The following ZNF462 variants were observed in gnomAD, a reference collection of about 807,000 sequenced individuals.
ZNF462 encodes the protein zinc finger protein 462.
In ZNF462, 10 loss-of-function variants were observed where a neutral mutation model predicts 201.9. The ratio of observed to expected loss-of-function variants is 0.05; its 90% confidence interval spans 0.03 to 0.08. The LOEUF (loss-of-function observed/expected upper bound fraction) is 0.08. Among genes scored for constraint, ZNF462 ranks in the 10% least tolerant of loss-of-function variants. The pLI is 1.00. For synonymous variants in ZNF462, 1,227 were observed against 1,193.3 expected, an observed-to-expected ratio of 1.03 and a Z score of -0.58; for missense variants, 2,523 against 3,168.3, an observed-to-expected ratio of 0.80 and a Z score of 4.89.
intron 1 of ZNF462, among the ~76,000 whole-genome samples, chr9:106,898,800 A>T (rs533565649): frequency 6.6e-6 from 1 of 152,306 alleles, no homozygotes; most frequent in South Asian, 2.1e-4. Context: ...GTATCCTATT[A>T]TTGCTCCTAA....
rs1829717086 is a variant in ZNF462 at position 107,008,490 on chromosome 9, C to G, written c.7190-1055C>G. Among the ~76,000 whole-genome samples the G allele has an allele frequency of 6.6e-6, 1 of 152,058 alleles. No homozygotes were observed. The highest frequency in any genetic ancestry group is 1.5e-5 in the Non-Finnish European group (1 of 68,034). ...TCCTGTAATGTCTTGTATGTGTGGA[C>G]CAGAGTGATCAGAGTGTAAAGATGA... On this transcript the variant is annotated intron_variant, in intron 11 of 12. Coordinates refer to ENST00000277225, the MANE Select transcript of ZNF462 (RefSeq NM_021224.6). This position sits in a 1 kb window ranked among gnomAD's most constrained non-coding sequence, Gnocchi z 4.8.
At position 106,924,796 on chromosome 9, in the gene ZNF462, G is replaced by T; in HGVS notation, c.884G>T (p.Ser295Ile). Residue 295 changes from serine (S) to isoleucine (I), a missense_variant, in exon 3 of 13, where the codon AGC becomes ATC. Physicochemically the swap from Ser to Ile is moderately radical, Grantham distance 142 (BLOSUM62 -2). This residue lies in a region of ZNF462 where 480 missense variants were observed against 544.4 expected (regional missense o/e 0.88). Coordinates refer to ENST00000277225, the MANE Select transcript of ZNF462 (RefSeq NM_021224.6). The surrounding 1 kb of genome is among the most constrained non-coding windows in gnomAD (Gnocchi z 6.2). The stretch of plus-strand genomic sequence containing the variant: ...GATGTGCCGAACAAGAGTGCCCCCA[G>T]CCCCACTTCCAACTCCACCTATCTG... ...LPDVPNKSAP[S>I]PTSNSTYLTM... The T allele has an allele frequency of 6.2e-7, 1 of 1,614,142 alleles. No homozygotes were observed. Among genetic ancestry groups the T allele is most frequent in the Non-Finnish European group, 8.5e-7 (1 of 1,180,042 alleles).
At chr9:106,873,901 T>C (rs1348478601) in intron 1 of ZNF462, among the ~76,000 whole-genome samples, 1 of 152,174 alleles carries the variant, frequency 6.6e-6, no homozygotes, top group Non-Finnish European at 1.5e-5. Context: ...GGTGGTTTTA[T>C]AAAATCCTAA....
At chr9:106,943,051 T>TGCGCGCGCGC (rs757008438) in intron 7 of ZNF462, among the ~76,000 whole-genome samples, 81 of 145,432 alleles carry the variant, frequency 5.6e-4, no homozygotes, top group African/African-American at 2.0e-3. Flanking sequence ...AGTTTTGTTT[T>TGCGCGCGCGC]GCGCGCGCGT....
chr9:106,982,136 T>G (rs1168053017), intron 9 of ZNF462, among the ~76,000 whole-genome samples: 1 of 152,232 alleles, frequency 6.6e-6, no homozygotes, highest in Non-Finnish European at 1.5e-5. Flanking sequence ...TGACACTAGC[T>G]TGTTCATGGG....
intron 6 of ZNF462, among the ~76,000 whole-genome samples, chr9:106,937,748 A>T (rs1171039538): frequency 6.6e-6 from 1 of 152,136 alleles, no homozygotes; most frequent in Non-Finnish European, 1.5e-5. Context: ...TTATGTTATT[A>T]TAAACTCCAA....
chr9:106,955,755 T>C (rs559144733), intron 7 of ZNF462, among the ~76,000 whole-genome samples: 1 of 152,308 alleles, frequency 6.6e-6, no homozygotes, highest in South Asian at 2.1e-4. Flanking sequence ...ATTTCAACAG[T>C]GTTCGCAACA....
chr9:106,866,876 C>T (rs1445424089), intron 1 of ZNF462, among the ~76,000 whole-genome samples: 2 of 152,128 alleles, frequency 1.3e-5, no homozygotes, highest in East Asian at 1.9e-4. Context: ...AACATAAGTA[C>T]ATTATATATT....
chr9:107,007,069 C>CT (rs370816896), intron 11 of ZNF462, among the ~76,000 whole-genome samples: 34 of 152,210 alleles, frequency 2.2e-4, no homozygotes, highest in African/African-American at 7.7e-4. Context: ...AGAAAGACTC[C>CT]TTTTTCTTCA....
At chr9:106,906,614 G>T (rs541732628) in intron 1 of ZNF462, among the ~76,000 whole-genome samples, 1 of 152,314 alleles carries the variant, frequency 6.6e-6, no homozygotes, top group East Asian at 1.9e-4. Flanking sequence ...TGGAAAAAAA[G>T]AATGTCATTG....
chr9:106,997,406 T>C (rs1828817548), intron 10 of ZNF462, among the ~76,000 whole-genome samples: 1 of 152,128 alleles, frequency 6.6e-6, no homozygotes, highest in Non-Finnish European at 1.5e-5. Flanking sequence ...CACAATAGAA[T>C]AGCCAAGACA....
Position 107,011,513 on chromosome 9 carries a change from CAA to C in ZNF462, c.*495_*496del, listed in dbSNP as rs11284528. On this transcript the variant is annotated 3_prime_UTR_variant, in exon 13 of 13. Transcript: ENST00000277225. This position sits in a 1 kb window ranked among gnomAD's most constrained non-coding sequence, Gnocchi z 5.6. ...AAAACAAAAAACAAAAAACAGAAAA[CAA>C]AAAAAAAAAAACTGCTTTGCATAAA... 101 of 137,836 alleles carry C rather than the reference CAA, an allele frequency of 7.3e-4. No homozygotes were observed. Among genetic ancestry groups the C allele is most frequent in the African/African-American group, 2.1e-3 (83 of 38,748 alleles). The allele number at this position is 137,836 out of a possible 1,614,324, so 8.5% of individuals were successfully genotyped here. A position where few individuals can be genotyped will look rare whatever the true frequency, so the allele number is the denominator to read the frequency against.
At chr9:106,931,407 T>G (rs1324376707) in intron 4 of ZNF462, among the ~76,000 whole-genome samples, 1 of 152,222 alleles carries the variant, frequency 6.6e-6, no homozygotes, top group South Asian at 2.1e-4. Context: ...AGAAGTCATT[T>G]TGGGGTTCTG....
At chr9:106,921,100 G>A (rs1829971676) in intron 1 of ZNF462, among the ~76,000 whole-genome samples, 1 of 152,056 alleles carries the variant, frequency 6.6e-6, no homozygotes, top group African/African-American at 2.4e-5. Context: ...TTTGGAATCT[G>A]GCAAGCAGAG....
Position 106,877,047 on chromosome 9 carries a change from C to T in ZNF462, c.-31+13692C>T, listed in dbSNP as rs546083002. On this transcript the variant is annotated intron_variant, in intron 1 of 12. Coordinates refer to ENST00000277225, the MANE Select transcript of ZNF462 (RefSeq NM_021224.6). ...CTTTGAGACCTCACGGGTAAGGAGACTAATTTTAGAGTGTTTTAAGGGTAG... is the reference window on the plus strand; with the variant it reads ...CTTTGAGACCTCACGGGTAAGGAGATTAATTTTAGAGTGTTTTAAGGGTAG... 3.9e-5 allele frequency among the ~76,000 whole-genome samples: 6 copies of T among 152,170 alleles called. No homozygotes were observed. The South Asian group carries it at 1.2e-3, about 32-fold the overall frequency.
In ZNF462 at chr9:106,974,869, T is replaced by C. The variant is rs1826878813; in HGVS notation, c.6832+596T>C. ...CCACTGTGTTTAACCTCTCCATCCA[T>C]TAAAAGAGATGATTGTACCTATGAG... On this transcript the variant is annotated intron_variant, in intron 9 of 12. Transcript: ENST00000277225. This position sits in a 1 kb window ranked among gnomAD's most constrained non-coding sequence, Gnocchi z 4.0. The C allele has an allele frequency of 6.5e-6, 1 of 153,776 alleles. No homozygotes were observed. The highest frequency in any genetic ancestry group is 1.4e-5 in the Non-Finnish European group (1 of 69,018). The allele number at this position is 153,776 out of a possible 1,614,324, so 9.5% of individuals were successfully genotyped here.
chr9:106,899,465 C>T (rs939436252), intron 1 of ZNF462, among the ~76,000 whole-genome samples: 9 of 151,646 alleles, frequency 5.9e-5, no homozygotes, highest in South Asian at 4.2e-4. Flanking sequence ...CATTGTGGCA[C>T]GAGGATAAGA....
In ZNF462 at chr9:107,008,367, C is replaced by T. The variant is rs1309190626; in HGVS notation, c.7190-1178C>T. On this transcript the variant is annotated intron_variant, in intron 11 of 12. Transcript: ENST00000277225. The surrounding 1 kb of genome is among the most constrained non-coding windows in gnomAD (Gnocchi z 4.8). ...GTTAAATCTGGCCCCAGTCACATAG[C>T]TGTTTGTGCTGAAGATTAAGGCATC... Among the ~76,000 whole-genome samples, 1 of 152,192 alleles carries T rather than the reference C, an allele frequency of 6.6e-6. No homozygotes were observed. The highest frequency in any genetic ancestry group is 2.4e-5 in the African/African-American group (1 of 41,438).
chr9:106,909,686 T>C (rs1340132000), intron 1 of ZNF462, among the ~76,000 whole-genome samples: 9 of 152,216 alleles, frequency 5.9e-5, no homozygotes, highest in Admixed American at 2.0e-4. Context: ...CTTCACTTTT[T>C]TTCTGTCATC....
Sources: allele counts gnomAD v4.1 joint callset (sites outside exome capture counted in the v4.1 genomes callset), GRCh38; gene constraint gnomAD v4.1.1; regional missense constraint gnomAD v4.1.1; non-coding constraint Gnocchi (gnomAD v3.1); transcripts MANE v1.5; gene names NCBI Gene and HGNC (gene_info 2026-07-23, HGNC 2026-07-21).